The following ODAD2 variants were observed in gnomAD, a reference collection of about 807,000 sequenced individuals.
ODAD2 encodes outer dynein arm docking complex subunit 2.
In ODAD2, 89 loss-of-function variants were observed where a neutral mutation model predicts 106.8. That is an observed-to-expected ratio of 0.83 (90% CI 0.70 to 0.99). ODAD2 has a LOEUF of 0.99. Ranked by LOEUF, ODAD2 falls within the 50% of genes least tolerant of loss-of-function variation. ODAD2 has a pLI of 0.00. For missense variants in ODAD2, 1,168 were observed against 1,238.5 expected (o/e 0.94, Z 0.85); for synonymous variants, 404 against 436.2 (o/e 0.93, Z 0.92).
chr10:27,933,536 C>T (rs1845749731), intron 16 of ODAD2, among the ~76,000 whole-genome samples: 1 of 152,030 alleles, frequency 6.6e-6, no homozygotes, highest in African/African-American at 2.4e-5. Context: ...CCAAATAGGA[C>T]CCATTTCAAT....
intron 16 of ODAD2, among the ~76,000 whole-genome samples, chr10:27,926,004 T>TA (rs34649733): frequency 0.34 from 34,565 of 102,734 alleles, 5,268 homozygotes; most frequent in East Asian, 0.5. Flanking sequence ...AGACTCCAGC[T>TA]AAAAAAAAAA....
Position 27,944,891 on chromosome 10 carries a change from G to T in ODAD2, c.1458C>A (p.Cys486Ter). The T allele has an allele frequency of 6.2e-7, 1 of 1,614,140 alleles. No individual in the cohort carries two copies. Among genetic ancestry groups the T allele is most frequent in the Non-Finnish European group, 8.5e-7 (1 of 1,180,006 alleles). ...CTCCAACATCTCTGATGGCCAACTGGCAGGTTTCTTGAGCTAAGCTGAAAT... is the reference window on the plus strand; with the variant it reads ...CTCCAACATCTCTGATGGCCAACTGTCAGGTTTCTTGAGCTAAGCTGAAAT... ...MRDFSLAQET[C>*]QLAIRDVGGL... The change falls in exon 11 of 20, where the codon TGC becomes TGA. Residue 486 changes from cysteine (C) to a stop codon, truncating the protein, a stop_gained. Coordinates refer to ENST00000305242, the MANE Select transcript of ODAD2 (RefSeq NM_018076.5). LOFTEE classifies it high-confidence loss of function.
At chr10:27,828,817 A>G (rs1837261677) in intron 19 of ODAD2, among the ~76,000 whole-genome samples, 1 of 152,104 alleles carries the variant, frequency 6.6e-6, no homozygotes, top group South Asian at 2.1e-4. Flanking sequence ...AAAATTCAAA[A>G]TTGTTTAATA....
intron 17 of ODAD2, among the ~76,000 whole-genome samples, chr10:27,883,562 TC>T (rs1841886125): frequency 1.3e-5 from 2 of 152,192 alleles, no homozygotes; most frequent in African/African-American, 4.8e-5. Flanking sequence ...ATTCTGACCC[TC>T]AAGAAGCTTG....
intron 19 of ODAD2, among the ~76,000 whole-genome samples, chr10:27,831,155 C>T (rs1461984357): frequency 6.6e-6 from 1 of 152,196 alleles, no homozygotes; most frequent in Non-Finnish European, 1.5e-5. Context: ...TGGATGCATC[C>T]TTACCTCTGC....
chr10:27,953,059 T>C (rs771890705), intron 10 of ODAD2, among the ~76,000 whole-genome samples: 10 of 152,210 alleles, frequency 6.6e-5, no homozygotes, highest in African/African-American at 1.2e-4. Flanking sequence ...TGAGTTTGGG[T>C]ATATGCATAT....
At chr10:27,860,457 GA>G (rs1271225790) in intron 19 of ODAD2, among the ~76,000 whole-genome samples, 167 bp downstream of exon 19, 6 of 150,874 alleles carry the variant, frequency 4.0e-5, no homozygotes, top group African/African-American at 7.3e-5. Context: ...TGTTTAAAAA[GA>G]AAAAAAAAGT....
chr10:27,975,831 A>C (rs1457963871), intron 7 of ODAD2, among the ~76,000 whole-genome samples: 1 of 152,162 alleles, frequency 6.6e-6, no homozygotes, highest in Non-Finnish European at 1.5e-5. Context: ...CAATACCAAA[A>C]CCAGACAAAG....
chr10:27,880,480 A>G (rs75323201), intron 17 of ODAD2, among the ~76,000 whole-genome samples: 4,647 of 152,296 alleles, frequency 0.031, 148 homozygotes, highest in East Asian at 0.13. Flanking sequence ...CTAAGTTCAA[A>G]TGCTATGGTT....
At chr10:27,947,759 G>A (rs2132667473) in intron 10 of ODAD2, among the ~76,000 whole-genome samples, 1 of 152,260 alleles carries the variant, frequency 6.6e-6, no homozygotes, top group Non-Finnish European at 1.5e-5. Context: ...AGTGCAAGAA[G>A]ACATGGAACA....
intron 16 of ODAD2, among the ~76,000 whole-genome samples, chr10:27,928,736 T>C (rs960759477): frequency 6.6e-6 from 1 of 152,140 alleles, no homozygotes; most frequent in Non-Finnish European, 1.5e-5. Context: ...CTGACTTTCA[T>C]TTTCTAGTTA....
intron 1 of ODAD2, chr10:27,997,593 T>C (rs1850631223): frequency 1.3e-5 from 2 of 152,336 alleles, no homozygotes; most frequent in South Asian, 4.1e-4. Context: ...TTTGAATCTA[T>C]TCAAATTGTA....
rs981525890 is a variant in ODAD2, at chr10:27,984,219, T to C, written c.647A>G (p.Asn216Ser). ...ELLKRFSGKG[N>S]QTVLESIEYT... ...TTCAATAGATTCCAAGACTGTTTGG[T>C]TTCCTTTTCCTGAGAAACGTTTGAG... The change falls in exon 5 of 20, where the codon AAC (asparagine) becomes AGC (serine). Residue 216 changes from asparagine to serine, a missense_variant. Asn to Ser is a conservative substitution (Grantham distance 46, BLOSUM62 1). This residue lies in a region of ODAD2 where 430 missense variants were observed against 452.2 expected (regional missense o/e 0.95). Transcript: ENST00000305242. 8.7e-6 allele frequency: 14 copies of C among 1,613,680 alleles called. No homozygotes were observed. The East Asian group carries it at 8.9e-5, about 10-fold the overall frequency.
Position 27,901,328 on chromosome 10 carries a change from A to C in ODAD2, c.2610+6335T>G, listed in dbSNP as rs186582886. Among the ~76,000 whole-genome samples the C allele has an allele frequency of 2.5e-3, 384 of 152,358 alleles. 5 individuals carry two copies. Among genetic ancestry groups the C allele is most frequent in the African/African-American group, 8.8e-3 (365 of 41,590 alleles). ...CCTGAAGGAAGCACTAAATTTGGAA[A>C]GGAAAAACCGGGACCAGCCACTGCA... On this transcript the variant is annotated intron_variant, in intron 17 of 19. Transcript: ENST00000305242.
chr10:27,976,538 A>C (rs1413122398), intron 7 of ODAD2, among the ~76,000 whole-genome samples: 2 of 152,200 alleles, frequency 1.3e-5, no homozygotes, highest in Non-Finnish European at 2.9e-5. Flanking sequence ...AAGTTTCAAA[A>C]GAGATGTATA....
At chr10:27,965,838 C>T (rs539071706) in intron 9 of ODAD2, among the ~76,000 whole-genome samples, 5 of 152,266 alleles carry the variant, frequency 3.3e-5, no homozygotes, top group Middle Eastern at 3.4e-3. Context: ...AAAAGACTTA[C>T]GAGAAAGTAC....
intron 17 of ODAD2, among the ~76,000 whole-genome samples, chr10:27,872,367 C>A (rs1413035234): frequency 1.3e-5 from 2 of 151,808 alleles, no homozygotes; most frequent in Admixed American, 1.3e-4. Context: ...TGCCTGATTG[C>A]CCTGGCCAGA....
Position 27,935,224 on chromosome 10 carries a change from A to G in ODAD2, c.2281T>C (p.Leu761=), listed in dbSNP as rs1209091145. Residue 761 remains leucine (L), a synonymous_variant, in exon 16 of 20, where the codon TTG becomes CTG. Coordinates refer to ENST00000305242, the MANE Select transcript of ODAD2 (RefSeq NM_018076.5). ...GGCTGATCTGTTAGAAGTCCCACCAAGGTTTCAATGGCTTTGTATTCCCGA... is the reference window on the plus strand; with the variant it reads ...GGCTGATCTGTTAGAAGTCCCACCAGGGTTTCAATGGCTTTGTATTCCCGA... ...KFREYKAIET[L]VGLLTDQPEE... 6.2e-7 allele frequency: 1 copy of G among 1,613,972 alleles called. No individual in the cohort carries two copies. Among genetic ancestry groups the G allele is most frequent in the Admixed American group, 1.7e-5 (1 of 59,988 alleles).
At chr10:27,903,675 A>G (rs191958028) in intron 17 of ODAD2, among the ~76,000 whole-genome samples, 36 of 152,324 alleles carry the variant, frequency 2.4e-4, no homozygotes, top group Admixed American at 1.6e-3. Flanking sequence ...AGAGAGCCAA[A>G]TCATGAGTGA....
Sources: allele counts gnomAD v4.1 joint callset (sites outside exome capture counted in the v4.1 genomes callset), GRCh38; gene constraint gnomAD v4.1.1; regional missense constraint gnomAD v4.1.1; transcripts MANE v1.5; gene names NCBI Gene and HGNC (gene_info 2026-07-23, HGNC 2026-07-21).